The following ST3GAL1 variants were observed in gnomAD, a reference collection of about 807,000 sequenced individuals.
ST3GAL1 encodes the protein ST3 beta-galactoside alpha-2,3-sialyltransferase 1.
ST3GAL1 carries 16 observed loss-of-function variants against 34.1 expected under a neutral mutation model. That is an observed-to-expected ratio of 0.47 (90% CI 0.32 to 0.71). The LOEUF is 0.71. Among genes scored for constraint, ST3GAL1 ranks in the 30% least tolerant of loss-of-function variants. The probability of loss-of-function intolerance (pLI) is 0.04; values close to 1 mark genes in which losing one functional copy is unlikely to be tolerated. For missense variants in ST3GAL1, 353 were observed against 447.4 expected (o/e 0.79, Z 1.90); for synonymous variants, 191 against 184.7 (o/e 1.03, Z -0.28).
chr8:133,485,846 T>A (rs1040150902), intron 3 of ST3GAL1, among the ~76,000 whole-genome samples: 3 of 151,998 alleles, frequency 2.0e-5, no homozygotes, highest in Non-Finnish European at 4.4e-5. Flanking sequence ...GGTGGGGGGC[T>A]GTTTGCGGTG....
chr8:133,557,813 G>A (rs1317552696), intron 1 of ST3GAL1, among the ~76,000 whole-genome samples: 2 of 151,302 alleles, frequency 1.3e-5, no homozygotes, highest in Non-Finnish European at 2.9e-5. Flanking sequence ...GCTGAGGCAG[G>A]AGAATTGCTT....
At chr8:133,540,720 T>C (rs1818441130) in intron 2 of ST3GAL1, among the ~76,000 whole-genome samples, 1 of 99,534 alleles carries the variant, frequency 1.0e-5, no homozygotes, top group South Asian at 4.1e-4. Context: ...GACATATATA[T>C]ATATAGACAT....
At chr8:133,470,158 G>A (rs941285693) in intron 5 of ST3GAL1, among the ~76,000 whole-genome samples, 1 of 152,282 alleles carries the variant, frequency 6.6e-6, no homozygotes, top group South Asian at 2.1e-4. Context: ...GGTGGCTCAC[G>A]CCTGTAATCC....
chr8:133,495,889 G>C (rs1816931601), intron 3 of ST3GAL1, among the ~76,000 whole-genome samples: 1 of 152,238 alleles, frequency 6.6e-6, no homozygotes, highest in African/African-American at 2.4e-5. Context: ...TAACCAAATA[G>C]AGAAAGTGGT....
chr8:133,544,922 G>A (rs1045923116), intron 2 of ST3GAL1, among the ~76,000 whole-genome samples: 1 of 152,180 alleles, frequency 6.6e-6, no homozygotes, highest in African/African-American at 2.4e-5. Context: ...CTTCTGCAGT[G>A]ATGGCAATCA....
rs764033821 is a variant in ST3GAL1, at chr8:133,465,979, G to A, written c.418C>T (p.Arg140Trp). The A allele has an allele frequency of 6.2e-6, 10 of 1,614,012 alleles. No homozygotes were observed. Among genetic ancestry groups the A allele is most frequent in the African/African-American group, 1.3e-5 (1 of 74,916 alleles). Residue 140 changes from arginine (R) to tryptophan (W), a missense_variant, in exon 6 of 10, where the codon CGG becomes TGG. Physicochemically the swap from Arg to Trp is moderately radical, Grantham distance 101 (BLOSUM62 -3). Transcript: ENST00000522652. ...PMLEKRSVGC[R>W]RCAVVGNSGN... Reference sequence around the variant, plus strand: ...GAGTTGCCCACAACGGCGCAGCGCCGGCAGCCCACCGACCTCTTCTCCAGC... The same window carrying A: ...GAGTTGCCCACAACGGCGCAGCGCCAGCAGCCCACCGACCTCTTCTCCAGC...
Position 133,458,510 on chromosome 8 carries a change from G to A in ST3GAL1, c.*1254C>T, listed in dbSNP as rs1044650617. The A allele has an allele frequency of 4.6e-5, 7 of 152,216 alleles. No individual in the cohort carries two copies. The highest frequency in any genetic ancestry group is 1.7e-4 in the African/African-American group (7 of 41,420). The allele number at this position is 152,216 out of a possible 1,614,324, so 9.4% of individuals were successfully genotyped here. A position where few individuals can be genotyped will look rare whatever the true frequency, so the allele number is the denominator to read the frequency against. ...TGCTGGCAGCCTCCTGTGTGGCTTT[G>A]GAGGTTACGGGCACCATATTGAACA... is the stretch of plus-strand genomic sequence containing the variant. On this transcript the variant is annotated 3_prime_UTR_variant, in exon 10 of 10. Transcript: ENST00000522652.
chr8:133,504,146 C>T (rs1177385988), intron 2 of ST3GAL1, among the ~76,000 whole-genome samples: 1 of 152,182 alleles, frequency 6.6e-6, no homozygotes, highest in African/African-American at 2.4e-5. Flanking sequence ...TGACTCCTCT[C>T]CCCCTCCTCC....
intron 2 of ST3GAL1, among the ~76,000 whole-genome samples, chr8:133,522,610 C>T (rs992238073): frequency 1.3e-5 from 2 of 152,142 alleles, no homozygotes; most frequent in African/African-American, 4.8e-5. Context: ...GAGGCGCTGG[C>T]ACAGAAAAGC....
intron 5 of ST3GAL1, among the ~76,000 whole-genome samples, chr8:133,474,827 A>G (rs540194987): frequency 2.0e-5 from 3 of 152,312 alleles, no homozygotes; most frequent in South Asian, 4.2e-4. Flanking sequence ...CTAAGTTTCT[A>G]TGACAAACCT....
intron 1 of ST3GAL1, among the ~76,000 whole-genome samples, chr8:133,548,858 CT>C (rs1818746029): frequency 2.0e-5 from 3 of 152,296 alleles, no homozygotes; most frequent in Middle Eastern, 3.4e-3. Flanking sequence ...ACCCCACTGG[CT>C]ATCATATGGG....
chr8:133,563,723 C>T (rs1423713666), intron 1 of ST3GAL1, among the ~76,000 whole-genome samples: 2 of 152,202 alleles, frequency 1.3e-5, no homozygotes, highest in African/African-American at 2.4e-5. Flanking sequence ...CAGACTGAAC[C>T]TTTGCTCATT....
intron 2 of ST3GAL1, among the ~76,000 whole-genome samples, chr8:133,514,012 G>T (rs1037401321): frequency 6.6e-6 from 1 of 152,066 alleles, no homozygotes; most frequent in Non-Finnish European, 1.5e-5. Flanking sequence ...AGCCCATGTC[G>T]GGCACCTGGC....
chr8:133,480,719 C>T (rs972090877), intron 3 of ST3GAL1, among the ~76,000 whole-genome samples: 1 of 152,088 alleles, frequency 6.6e-6, no homozygotes, highest in Non-Finnish European at 1.5e-5. Flanking sequence ...AGACTCCTGC[C>T]TTCTCCTGTG....
chr8:133,531,085 G>A (rs193223682), intron 2 of ST3GAL1, among the ~76,000 whole-genome samples: 9 of 151,632 alleles, frequency 5.9e-5, no homozygotes, highest in East Asian at 1.9e-4. Context: ...GCTGTCCCCC[G>A]CTCTTAGTAG....
In ST3GAL1 at chr8:133,570,017, T is replaced by C. The variant is rs1480634003; in HGVS notation, c.-582+1676A>G. ...GGCGTCCGGGCCCCTGCCAGCACCT[T>C]CCACCTTGGGGCCTTGTCAATGAAC... On this transcript the variant is annotated intron_variant, in intron 1 of 9. Transcript: ENST00000522652. The surrounding 1 kb of genome is among the most constrained non-coding windows in gnomAD (Gnocchi z 5.6). 1.3e-5 allele frequency: 2 copies of C among 152,364 alleles called. No individual in the cohort carries two copies. The highest frequency in any genetic ancestry group is 4.8e-5 in the African/African-American group (2 of 41,468). The allele number at this position is 152,364 out of a possible 1,614,324, so 9.4% of individuals were successfully genotyped here.
chr8:133,503,155 C>T (rs976999314), intron 2 of ST3GAL1, among the ~76,000 whole-genome samples: 2 of 152,202 alleles, frequency 1.3e-5, no homozygotes, highest in Non-Finnish European at 2.9e-5. Flanking sequence ...GAAATAAACA[C>T]CTGTTGCAAG....
intron 1 of ST3GAL1, among the ~76,000 whole-genome samples, chr8:133,547,718 C>T (rs1377595007): frequency 6.6e-6 from 1 of 152,216 alleles, no homozygotes; most frequent in African/African-American, 2.4e-5. Flanking sequence ...TTTGTAGGCA[C>T]TGGGGTTTGG....
rs551960813 is a variant in ST3GAL1, at chr8:133,523,493, G to A, written c.-429+22281C>T. 2.0e-5 allele frequency among the ~76,000 whole-genome samples: 3 copies of A among 152,312 alleles called. No individual in the cohort carries two copies. The South Asian group carries it at 6.2e-4, about 32-fold the overall frequency. On this transcript the variant is annotated intron_variant, in intron 2 of 9. Coordinates refer to ENST00000522652, the MANE Select transcript of ST3GAL1 (RefSeq NM_173344.3). ...TCCTCTGTAAAGTGAAGATGGTGATGCTTAAAGTGGCAGCTACTTCAAAGG... is the reference window on the plus strand; with the variant it reads ...TCCTCTGTAAAGTGAAGATGGTGATACTTAAAGTGGCAGCTACTTCAAAGG...
Sources: gnomAD v4.1 joint callset for allele counts (sites outside exome capture counted in the v4.1 genomes callset) on GRCh38, gnomAD v4.1.1 for gene constraint, Gnocchi (gnomAD v3.1) non-coding constraint, MANE v1.5 for transcripts, NCBI Gene and HGNC (gene_info 2026-07-23, HGNC 2026-07-21) for gene names.